The following RAD51B variants were observed in gnomAD, a reference collection of about 807,000 sequenced individuals.
The protein encoded by RAD51B is DNA repair protein RAD51 homolog 2.
RAD51B carries 38 observed loss-of-function variants against 42.2 expected under a neutral mutation model. The ratio of observed to expected loss-of-function variants is 0.90; its 90% CI spans 0.70 to 1.18. The LOEUF is 1.18. Among genes scored for constraint, RAD51B ranks in the 50% most tolerant of loss-of-function variants. The probability of loss-of-function intolerance (pLI) is 0.00; values close to 1 mark genes in which losing one functional copy is unlikely to be tolerated. For synonymous variants in RAD51B, 154 were observed against 145.2 expected (o/e 1.06, Z -0.43); for missense variants, 373 against 400.7 (o/e 0.93, Z 0.59).
chr14:67,995,967 T>G (rs2075377363), intron 7 of RAD51B, among the ~76,000 whole-genome samples: 1 of 152,150 alleles, frequency 6.6e-6, no homozygotes, highest in Non-Finnish European at 1.5e-5. Context: ...CTGGTACAAT[T>G]TATTCATTCA....
At chr14:67,858,687 T>C (rs914457849) in intron 4 of RAD51B, among the ~76,000 whole-genome samples, 1 of 152,184 alleles carries the variant, frequency 6.6e-6, no homozygotes, top group Non-Finnish European at 1.5e-5. Context: ...CTCACTCTGG[T>C]CCAGGGATTT....
intron 7 of RAD51B, among the ~76,000 whole-genome samples, chr14:68,288,292 A>C (rs1255558644): frequency 1.3e-5 from 2 of 152,246 alleles, no homozygotes; most frequent in Non-Finnish European, 2.9e-5. Flanking sequence ...TGCTGAAAAC[A>C]GATTTAGAAA....
intron 10 of RAD51B, among the ~76,000 whole-genome samples, chr14:68,610,698 G>T (rs896571342): frequency 6.6e-6 from 1 of 152,136 alleles, no homozygotes; most frequent in Non-Finnish European, 1.5e-5. Flanking sequence ...GACACCTCCT[G>T]TTCTTTACAT....
chr14:68,323,653 G>A lies in RAD51B; in HGVS notation c.853+31673G>A, dbSNP rs141804875. On this transcript the variant is annotated intron_variant, in intron 8 of 10. Coordinates refer to ENST00000471583, the MANE Select transcript of RAD51B (RefSeq NM_133510.4). ...CTAGAAATAGAAAAACAGTTAGCTG[G>A]GTGTGGTGGCAGGCACCTGTAATCC... is the stretch of plus-strand genomic sequence containing the variant. 7.5e-3 allele frequency among the ~76,000 whole-genome samples: 1,137 copies of A among 152,290 alleles called. 10 individuals are homozygous for A. The highest frequency in any genetic ancestry group is 0.024 in the African/African-American group (992 of 41,554).
intron 7 of RAD51B, among the ~76,000 whole-genome samples, chr14:68,267,856 T>C (rs2081024217): frequency 6.6e-6 from 1 of 152,234 alleles, no homozygotes; most frequent in Admixed American, 6.5e-5. Flanking sequence ...AAACAATTTA[T>C]TTCATGCTGA....
intron 10 of RAD51B, among the ~76,000 whole-genome samples, chr14:68,524,173 C>G (rs1178207237): frequency 6.6e-6 from 1 of 152,170 alleles, no homozygotes; most frequent in African/African-American, 2.4e-5. Context: ...GGTCAAGCCA[C>G]CTTCCCAAGG....
intron 11 of RAD51B, among the ~76,000 whole-genome samples, chr14:68,673,579 T>A (rs1893218294): frequency 6.7e-6 from 1 of 148,594 alleles, no homozygotes; most frequent in Non-Finnish European, 1.5e-5. Context: ...CACATACACA[T>A]ACTGTACATA....
At chr14:67,985,871 C>T (rs2075180291) in intron 7 of RAD51B, among the ~76,000 whole-genome samples, 1 of 152,108 alleles carries the variant, frequency 6.6e-6, no homozygotes, top group Non-Finnish European at 1.5e-5. Flanking sequence ...GGTCGTGCCA[C>T]TGCACTCCAG....
At chr14:67,928,993 CT>C (rs546417142) in intron 7 of RAD51B, among the ~76,000 whole-genome samples, 110 of 152,138 alleles carry the variant, frequency 7.2e-4, no homozygotes, top group African/African-American at 2.4e-3. Flanking sequence ...TGGGACGTCT[CT>C]TCTTTTTTCG....
intron 8 of RAD51B, among the ~76,000 whole-genome samples, chr14:68,323,303 T>C (rs886831485): frequency 2.6e-5 from 4 of 152,192 alleles, no homozygotes; most frequent in Admixed American, 2.6e-4. Flanking sequence ...CTTAGAGACC[T>C]GAAGATGTGA....
At chr14:68,314,074 T>C (rs1443756736) in intron 8 of RAD51B, among the ~76,000 whole-genome samples, 3 of 152,180 alleles carry the variant, frequency 2.0e-5, no homozygotes, top group Non-Finnish European at 4.4e-5. Context: ...TTAAAATTCC[T>C]CCTCCTACTT....
chr14:68,308,141 G>T (rs896925018), intron 8 of RAD51B, among the ~76,000 whole-genome samples: 1 of 152,116 alleles, frequency 6.6e-6, no homozygotes, highest in African/African-American at 2.4e-5. Context: ...ATAATATCAA[G>T]GATAGAATTA....
chr14:67,976,902 G>A (rs937719354), intron 7 of RAD51B, among the ~76,000 whole-genome samples: 9 of 152,072 alleles, frequency 5.9e-5, no homozygotes, highest in Non-Finnish European at 7.4e-5. Flanking sequence ...ACAAGTGGGC[G>A]AAGGATATGA....
chr14:67,883,639 G>A (rs2042982440), intron 5 of RAD51B, among the ~76,000 whole-genome samples: 2 of 152,012 alleles, frequency 1.3e-5, no homozygotes, highest in African/African-American at 2.4e-5. Context: ...ATAAAATAGC[G>A]CTAGCCCCAC....
chr14:68,292,734 A>G (rs747014668), intron 8 of RAD51B, among the ~76,000 whole-genome samples: 2 of 152,194 alleles, frequency 1.3e-5, no homozygotes, highest in Non-Finnish European at 2.9e-5. Flanking sequence ...TAGGCCTAGC[A>G]AGGCTCCTGG....
intron 11 of RAD51B, among the ~76,000 whole-genome samples, chr14:68,668,184 G>C (rs1032315493): frequency 6.6e-6 from 1 of 152,144 alleles, no homozygotes; most frequent in African/African-American, 2.4e-5. Flanking sequence ...CAACCCTGGG[G>C]TCACCCTCCA....
rs34008573 is a variant in RAD51B at position 68,074,345 on chromosome 14, ATCTT to A, written c.756+187142_756+187145del. On this transcript the variant is annotated intron_variant, in intron 7 of 10. Coordinates refer to ENST00000471583, the MANE Select transcript of RAD51B (RefSeq NM_133510.4). Reference sequence around the variant, plus strand: ...TAATACTTCCCTTTGTGTTATGAAAATCTTGTAGTGAGTTTTTCAGCTTTATCAT... The same window carrying A: ...TAATACTTCCCTTTGTGTTATGAAAAGTAGTGAGTTTTTCAGCTTTATCAT... Among the ~76,000 whole-genome samples the A allele has an allele frequency of 7.3e-3, 1,112 of 152,150 alleles. 12 individuals are homozygous for A. The highest frequency in any genetic ancestry group is 0.026 in the African/African-American group (1,076 of 41,488).
At chr14:68,665,961 T>G (rs902800214) in intron 11 of RAD51B, among the ~76,000 whole-genome samples, 7 of 152,222 alleles carry the variant, frequency 4.6e-5, no homozygotes, top group Admixed American at 1.3e-4. Flanking sequence ...GGAATGGACA[T>G]CTGATCAATC....
At chr14:67,884,579 C>T (rs890193416) in intron 5 of RAD51B, among the ~76,000 whole-genome samples, 1 of 152,150 alleles carries the variant, frequency 6.6e-6, no homozygotes, top group Admixed American at 6.6e-5. Flanking sequence ...CAGGATTTGG[C>T]TGCTCTGCCT....
Sources: allele counts gnomAD v4.1 joint callset (sites outside exome capture counted in the v4.1 genomes callset), GRCh38; gene constraint gnomAD v4.1.1; transcripts MANE v1.5; gene names NCBI Gene and HGNC (gene_info 2026-07-23, HGNC 2026-07-21).